The following IMMP2L variants were observed in gnomAD, a reference collection of about 807,000 sequenced individuals.
The protein encoded by IMMP2L is mitochondrial inner membrane protease subunit 2.
A neutral mutation model predicts 19.3 loss-of-function variants in IMMP2L; 18 were observed. The observed-to-expected ratio is 0.93, with a 90% CI of 0.64 to 1.38. IMMP2L has a LOEUF of 1.38. IMMP2L is among the 40% of genes most tolerant of loss of function. The probability of loss-of-function intolerance (pLI) is 0.00; values close to 1 mark genes in which losing one functional copy is unlikely to be tolerated. For missense variants in IMMP2L, 233 were observed against 218.2 expected (o/e 1.07, Z -0.43); for synonymous variants, 76 against 73.0 (o/e 1.04, Z -0.21).
chr7:110,855,092 C>T (rs1806624445), intron 5 of IMMP2L, among the ~76,000 whole-genome samples: 1 of 151,674 alleles, frequency 6.6e-6, no homozygotes, highest in Admixed American at 6.6e-5. Flanking sequence ...AATGTTCAGT[C>T]AGTTAAAAAA....
rs570702873 is a variant in IMMP2L, at chr7:110,975,178, T to C, written c.240-11613A>G. Among the ~76,000 whole-genome samples, 5 of 152,030 alleles carry C rather than the reference T, an allele frequency of 3.3e-5. No individual in the cohort carries two copies. In the South Asian group the frequency reaches 6.2e-4, roughly 19 times the overall value. The stretch of plus-strand genomic sequence containing the variant: ...AGATATATAACATGAGTTTAAAAAA[T>C]AAAAGGAAAAGAAAGGAAAGTCAAA... On this transcript the variant is annotated intron_variant, in intron 3 of 5. Coordinates refer to ENST00000405709, the MANE Select transcript of IMMP2L (RefSeq NM_032549.4).
chr7:111,353,060 T>C (rs1828341182), intron 3 of IMMP2L, among the ~76,000 whole-genome samples: 1 of 152,152 alleles, frequency 6.6e-6, no homozygotes, highest in African/African-American at 2.4e-5. Context: ...AGTGATACCA[T>C]GTCATTCAAT....
intron 5 of IMMP2L, among the ~76,000 whole-genome samples, chr7:110,873,421 C>T (rs900405656): frequency 4.3e-5 from 4 of 92,960 alleles, no homozygotes; most frequent in Non-Finnish European, 5.9e-5. Context: ...CAGAGCAAGA[C>T]TCTATCTCAA....
At chr7:110,686,411 A>T (rs1056428111) in intron 5 of IMMP2L, among the ~76,000 whole-genome samples, 3 of 151,830 alleles carry the variant, frequency 2.0e-5, no homozygotes, top group African/African-American at 7.3e-5. Context: ...CACTGCCAAT[A>T]ACCCTCAAAT....
At chr7:111,524,980 G>T (rs557929572) in intron 1 of IMMP2L, among the ~76,000 whole-genome samples, 57 of 152,240 alleles carry the variant, frequency 3.7e-4, no homozygotes, top group African/African-American at 1.3e-3. Flanking sequence ...CAAGCACTGT[G>T]TTAGGTACCA....
intron 3 of IMMP2L, among the ~76,000 whole-genome samples, chr7:111,137,830 G>A (rs1195879740): frequency 6.6e-6 from 1 of 152,004 alleles, no homozygotes; most frequent in East Asian, 1.9e-4. Context: ...TTTTGGTTTT[G>A]GTTTTTTGTT....
chr7:111,109,800 G>T (rs970971393), intron 3 of IMMP2L, among the ~76,000 whole-genome samples: 6 of 152,118 alleles, frequency 3.9e-5, no homozygotes, highest in Non-Finnish European at 7.4e-5. Flanking sequence ...TGTTGCTATT[G>T]TTATATGATG....
intron 3 of IMMP2L, among the ~76,000 whole-genome samples, chr7:111,138,717 T>C (rs1426558737): frequency 1.3e-5 from 2 of 152,132 alleles, no homozygotes; most frequent in Non-Finnish European, 2.9e-5. Context: ...ATAATTCTAT[T>C]TTAAAAGAAA....
intron 3 of IMMP2L, among the ~76,000 whole-genome samples, chr7:111,119,364 A>G (rs1413389233): frequency 6.6e-6 from 1 of 152,204 alleles, no homozygotes; most frequent in Non-Finnish European, 1.5e-5. Context: ...CTCCAGACTG[A>G]AATTTTACTA....
chr7:111,257,923 C>CCT (rs1779985251), intron 3 of IMMP2L, among the ~76,000 whole-genome samples: 1 of 151,820 alleles, frequency 6.6e-6, no homozygotes, highest in Admixed American at 6.6e-5. Context: ...TAACACTATC[C>CCT]CTCCCCCAGC....
chr7:111,485,679 AT>A (rs1374226340), intron 3 of IMMP2L, among the ~76,000 whole-genome samples: 2 of 151,366 alleles, frequency 1.3e-5, no homozygotes, highest in African/African-American at 4.8e-5. Context: ...TTTGAATAGA[AT>A]ATTTTTGAAG....
chr7:110,855,346 C>T (rs749858715), intron 5 of IMMP2L, among the ~76,000 whole-genome samples: 5 of 151,828 alleles, frequency 3.3e-5, no homozygotes, highest in Non-Finnish European at 7.4e-5. Flanking sequence ...AGATCTAATG[C>T]CTATGGGGTG....
intron 2 of IMMP2L, among the ~76,000 whole-genome samples, chr7:111,520,494 T>C (rs758669636): frequency 2.0e-5 from 3 of 152,102 alleles, no homozygotes; most frequent in African/African-American, 2.4e-5. Context: ...CTGATAACTA[T>C]GCCCTTAACT....
chr7:111,069,273 T>C (rs1047678563), intron 3 of IMMP2L, among the ~76,000 whole-genome samples: 3 of 152,200 alleles, frequency 2.0e-5, no homozygotes, highest in South Asian at 4.1e-4. Flanking sequence ...CAATTAGCAA[T>C]GACTTCCATG....
chr7:110,666,655 A>C (rs1791476944), intron 5 of IMMP2L, among the ~76,000 whole-genome samples: 1 of 152,076 alleles, frequency 6.6e-6, no homozygotes, highest in South Asian at 2.1e-4. Context: ...CAGGGAATAC[A>C]CATAAAAAAT....
chr7:111,453,628 C>A (rs766718961), intron 3 of IMMP2L, among the ~76,000 whole-genome samples: 47 of 152,166 alleles, frequency 3.1e-4, no homozygotes, highest in Non-Finnish European at 6.2e-4. Context: ...ACCGAGAGAT[C>A]ATCTTTATGG....
At chr7:111,539,192 GAGGGAGAAAGAAAGAAAGAAAGAA>G (rs1435500714) in intron 1 of IMMP2L, among the ~76,000 whole-genome samples, 426 of 19,794 alleles carry the variant, frequency 0.022, 8 homozygotes, top group Middle Eastern at 0.04. Flanking sequence ...AGGAAGGAAG[GAGGGAGAAAGAAAGAAAGAAAGAA>G]AGAAAGAAAG....
intron 3 of IMMP2L, among the ~76,000 whole-genome samples, chr7:110,970,130 T>TCAA: frequency 6.6e-6 from 1 of 152,024 alleles, no homozygotes; most frequent in African/African-American, 2.4e-5. Flanking sequence ...GTAAAATCAA[T>TCAA]TAAATTTGTA....
intron 3 of IMMP2L, among the ~76,000 whole-genome samples, chr7:111,407,470 C>CA (rs1053480348): frequency 2.0e-5 from 3 of 151,232 alleles, no homozygotes; most frequent in African/African-American, 4.9e-5. Flanking sequence ...TAATATTCAG[C>CA]AAAAAAAAGA....
Sources: allele counts gnomAD v4.1 joint callset (sites outside exome capture counted in the v4.1 genomes callset), GRCh38; gene constraint gnomAD v4.1.1; transcripts MANE v1.5; gene names NCBI Gene and HGNC (gene_info 2026-07-23, HGNC 2026-07-21).